The following ARHGAP26 variants were observed in gnomAD, a reference collection of about 807,000 sequenced individuals.
ARHGAP26 encodes rho GTPase-activating protein 26.
A neutral mutation model predicts 104.8 loss-of-function variants in ARHGAP26; 38 were observed. That is an observed-to-expected ratio of 0.36 (90% CI 0.28 to 0.48). The LOEUF (loss-of-function observed/expected upper bound fraction) is 0.48, where lower values mean the gene tolerates loss of function less well. ARHGAP26 is among the 20% of genes least tolerant of loss of function. ARHGAP26 has a pLI of 0.99. For missense variants in ARHGAP26, 704 were observed against 947.9 expected (o/e 0.74, Z 3.38); for synonymous variants, 341 against 340.0 (o/e 1.00, Z -0.03).
chr5:143,035,956 A>AG (rs1207402395), intron 12 of ARHGAP26, among the ~76,000 whole-genome samples: 1 of 150,914 alleles, frequency 6.6e-6, no homozygotes. Flanking sequence ...AAAAAAAAAA[A>AG]AAGAAGAACT....
At chr5:142,934,901 T>A (rs970573981) in intron 11 of ARHGAP26, among the ~76,000 whole-genome samples, 3 of 152,204 alleles carry the variant, frequency 2.0e-5, no homozygotes, top group Non-Finnish European at 4.4e-5. Context: ...TTTTGCAACA[T>A]TTCATTTTTA....
chr5:142,791,102 CAG>C (rs1759707950), intron 1 of ARHGAP26, among the ~76,000 whole-genome samples: 2 of 138,360 alleles, frequency 1.4e-5, no homozygotes, highest in African/African-American at 3.1e-5. Context: ...TTTTTTGAGA[CAG>C]AGTCTCGCTC....
chr5:142,787,822 T>C (rs989576307), intron 1 of ARHGAP26, among the ~76,000 whole-genome samples: 5 of 152,198 alleles, frequency 3.3e-5, no homozygotes, highest in Non-Finnish European at 7.3e-5. Context: ...GGTTTTATAG[T>C]CTTTTCAACA....
At chr5:143,009,839 T>C (rs1430737286) in intron 11 of ARHGAP26, among the ~76,000 whole-genome samples, 1 of 152,112 alleles carries the variant, frequency 6.6e-6, no homozygotes, top group Admixed American at 6.5e-5. Context: ...TTAGCTTCAG[T>C]TGGGTTGTTG....
At chr5:143,034,141 T>C (rs538142434) in intron 12 of ARHGAP26, among the ~76,000 whole-genome samples, 1 of 152,180 alleles carries the variant, frequency 6.6e-6, no homozygotes, top group African/African-American at 2.4e-5. Flanking sequence ...CCTCGTACAT[T>C]GCGGGTAGGA....
intron 22 of ARHGAP26, among the ~76,000 whole-genome samples, chr5:143,217,529 A>G (rs986933801): frequency 3.3e-5 from 5 of 152,226 alleles, no homozygotes; most frequent in Admixed American, 3.3e-4. Context: ...GGTTCTAGGG[A>G]TACTTTTAAT....
At chr5:143,137,275 A>C (rs1798013512) in intron 19 of ARHGAP26, among the ~76,000 whole-genome samples, 1 of 152,180 alleles carries the variant, frequency 6.6e-6, no homozygotes, top group Non-Finnish European at 1.5e-5. Context: ...CTGGCTTTTA[A>C]TTTTGACTGA....
At chr5:143,195,989 TAA>T (rs1806768879) in intron 20 of ARHGAP26, among the ~76,000 whole-genome samples, 1 of 152,174 alleles carries the variant, frequency 6.6e-6, no homozygotes, top group Non-Finnish European at 1.5e-5. Context: ...TAAAGCTATT[TAA>T]AAGTTACCTT....
intron 11 of ARHGAP26, among the ~76,000 whole-genome samples, chr5:142,969,164 C>T (rs924593374): frequency 6.6e-6 from 1 of 152,168 alleles, no homozygotes; most frequent in African/African-American, 2.4e-5. Flanking sequence ...TTGTCTTGAA[C>T]TCCTGTGCTC....
intron 1 of ARHGAP26, 120 bp downstream of exon 1, chr5:142,771,035 G>A: frequency 1.4e-6 from 2 of 1,428,668 alleles, no homozygotes; most frequent in Non-Finnish European, 1.8e-6. Flanking sequence ...TGGGGGACGG[G>A]TGTCGACGCC....
chr5:142,785,316 C>A (rs1458775018), intron 1 of ARHGAP26, among the ~76,000 whole-genome samples: 1 of 152,218 alleles, frequency 6.6e-6, no homozygotes, highest in Non-Finnish European at 1.5e-5. Context: ...CAATTTGCAG[C>A]TCCTCAGAAT....
intron 1 of ARHGAP26, 91 bp downstream of exon 1, chr5:142,771,006 G>A: frequency 6.7e-7 from 1 of 1,483,980 alleles, no homozygotes; most frequent in African/African-American, 1.4e-5. Flanking sequence ...CGTCTGCCGG[G>A]TTTCTGCTCC....
chr5:143,063,617 G>T (rs371748267), intron 17 of ARHGAP26, among the ~76,000 whole-genome samples: 67 of 152,104 alleles, frequency 4.4e-4, no homozygotes, highest in African/African-American at 1.5e-3. Context: ...ATATTTGTTG[G>T]GCAAATGCAT....
chr5:142,790,110 T>G (rs947367425), intron 1 of ARHGAP26, among the ~76,000 whole-genome samples: 1 of 152,228 alleles, frequency 6.6e-6, no homozygotes, highest in Non-Finnish European at 1.5e-5. Flanking sequence ...TCCAGCCTTA[T>G]GGAGCTTTTG....
chr5:142,864,184 C>T (rs1410371653), intron 1 of ARHGAP26, among the ~76,000 whole-genome samples: 2 of 152,120 alleles, frequency 1.3e-5, no homozygotes, highest in Admixed American at 1.3e-4. Context: ...TGAGGAAGCC[C>T]AGTACTTCAG....
intron 17 of ARHGAP26, 51 bp downstream of exon 17, chr5:143,057,798 T>C (rs1345661548): frequency 3.4e-6 from 5 of 1,460,824 alleles, no homozygotes; most frequent in Non-Finnish European, 4.8e-6. Context: ...AAAGTTCTTA[T>C]CTTAGCAGTG....
chr5:142,982,104 T>C (rs528973618), intron 11 of ARHGAP26, among the ~76,000 whole-genome samples: 45 of 152,356 alleles, frequency 3.0e-4, no homozygotes, highest in Middle Eastern at 3.4e-3. Context: ...TGTGACCAAA[T>C]GTTTAGCAGG....
At chr5:143,213,472 C>T (rs1809837243) in intron 21 of ARHGAP26, among the ~76,000 whole-genome samples, 2 of 152,166 alleles carry the variant, frequency 1.3e-5, no homozygotes, top group Admixed American at 1.3e-4. Flanking sequence ...CCAGCAAGAC[C>T]CAGTCTAGTA....
chr5:142,861,029 A>G (rs1753230588), intron 1 of ARHGAP26, among the ~76,000 whole-genome samples: 1 of 152,300 alleles, frequency 6.6e-6, no homozygotes, highest in Middle Eastern at 3.4e-3. Context: ...TTTGAGAAAC[A>G]CTTATCTTTG....
Sources: allele counts gnomAD v4.1 joint callset (sites outside exome capture counted in the v4.1 genomes callset), GRCh38; gene constraint gnomAD v4.1.1; transcripts MANE v1.5; gene names NCBI Gene and HGNC (gene_info 2026-07-23, HGNC 2026-07-21).